LNX2: variants seen among roughly 807,000 people sequenced by gnomAD.
LNX2 encodes ligand of numb-protein X 2.
A neutral mutation model predicts 66.2 loss-of-function variants in LNX2; 35 were observed. The observed-to-expected ratio is 0.53, with a 90% CI of 0.40 to 0.70. LNX2 has a LOEUF of 0.70. Among genes scored for constraint, LNX2 ranks in the 30% least tolerant of loss-of-function variants. The probability of loss-of-function intolerance (pLI) is 0.00; values close to 1 mark genes in which losing one functional copy is unlikely to be tolerated. For missense variants in LNX2, 791 were observed against 850.8 expected, an observed-to-expected ratio of 0.93 and a Z score of 0.87; for synonymous variants, 337 against 315.6, an observed-to-expected ratio of 1.07 and a Z score of -0.72.
intron 1 of LNX2, among the ~76,000 whole-genome samples, chr13:27,595,838 T>C (rs1004734173): frequency 6.6e-6 from 1 of 152,200 alleles, no homozygotes; most frequent in Non-Finnish European, 1.5e-5. Context: ...ATGGTATTTG[T>C]CACTTGTTAC....
intron 2 of LNX2, among the ~76,000 whole-genome samples, chr13:27,570,452 T>G (rs1566120327): frequency 6.6e-6 from 1 of 152,216 alleles, no homozygotes; most frequent in Non-Finnish European, 1.5e-5. Flanking sequence ...GGATTTCAAG[T>G]TCTTGAAAGG....
intron 4 of LNX2, among the ~76,000 whole-genome samples, chr13:27,563,619 T>C (rs1200883807): frequency 6.6e-6 from 1 of 152,172 alleles, no homozygotes; most frequent in African/African-American, 2.4e-5. Flanking sequence ...TCTTAGCATT[T>C]ATCACAATTA....
intron 1 of LNX2, among the ~76,000 whole-genome samples, chr13:27,610,783 A>G (rs1350160529): frequency 6.6e-6 from 1 of 152,222 alleles, no homozygotes; most frequent in Non-Finnish European, 1.5e-5. Flanking sequence ...AACAATAAGA[A>G]CAAAAAAAAC....
At chr13:27,580,769 G>A (rs866109062) in intron 2 of LNX2, among the ~76,000 whole-genome samples, 12 of 152,014 alleles carry the variant, frequency 7.9e-5, no homozygotes, top group East Asian at 3.8e-4. Context: ...CAAAATTATC[G>A]TTTTTATTGG....
intron 1 of LNX2, among the ~76,000 whole-genome samples, chr13:27,619,504 G>A (rs564601715): frequency 2.6e-5 from 4 of 152,366 alleles, no homozygotes; most frequent in African/African-American, 9.6e-5. Flanking sequence ...CTTAAAGGCA[G>A]TTCCAATAAG....
intron 6 of LNX2, among the ~76,000 whole-genome samples, chr13:27,558,435 A>C (rs972427930): frequency 2.0e-5 from 3 of 152,090 alleles, no homozygotes; most frequent in African/African-American, 7.2e-5. Flanking sequence ...TGCCCACAAC[A>C]AATTGAATTA....
At chr13:27,565,939 C>T (rs1044260128) in intron 4 of LNX2, among the ~76,000 whole-genome samples, 2 of 152,140 alleles carry the variant, frequency 1.3e-5, no homozygotes, top group Non-Finnish European at 2.9e-5. Flanking sequence ...AAAATCCTAA[C>T]CAAGTTTTTC....
chr13:27,554,191 C>T (rs1425791001), intron 7 of LNX2, among the ~76,000 whole-genome samples: 1 of 152,028 alleles, frequency 6.6e-6, no homozygotes, highest in Non-Finnish European at 1.5e-5. Flanking sequence ...TTAGAAAACA[C>T]AATAAAAGAA....
intron 1 of LNX2, among the ~76,000 whole-genome samples, chr13:27,587,087 CCCTAA>C (rs1955495259): frequency 6.6e-6 from 1 of 152,100 alleles, no homozygotes; most frequent in African/African-American, 2.4e-5. Context: ...TCTTCACTGG[CCCTAA>C]CCTAAGAGAT....
intron 2 of LNX2, among the ~76,000 whole-genome samples, chr13:27,572,113 G>T (rs996631165): frequency 6.6e-6 from 1 of 152,062 alleles, no homozygotes; most frequent in Non-Finnish European, 1.5e-5. Flanking sequence ...TAGGCCTTGG[G>T]AAAATATAAA....
chr13:27,597,489 G>A (rs1955611666), intron 1 of LNX2, among the ~76,000 whole-genome samples: 1 of 152,106 alleles, frequency 6.6e-6, no homozygotes, highest in Admixed American at 6.6e-5. Flanking sequence ...ACTCTATGTG[G>A]GTATATGCAT....
chr13:27,588,066 T>C (rs1955511054), intron 1 of LNX2, among the ~76,000 whole-genome samples: 1 of 147,500 alleles, frequency 6.8e-6, no homozygotes, highest in African/African-American at 2.5e-5. Context: ...GCTGTCAAAC[T>C]TGTTTGACTT....
intron 1 of LNX2, among the ~76,000 whole-genome samples, chr13:27,590,726 C>A (rs181319328): frequency 6.6e-6 from 1 of 152,136 alleles, no homozygotes; most frequent in East Asian, 1.9e-4. Context: ...GCAAAAGAAT[C>A]GGGTGGATAC....
At chr13:27,575,149 A>T (rs893318957) in intron 2 of LNX2, among the ~76,000 whole-genome samples, 4 of 152,212 alleles carry the variant, frequency 2.6e-5, no homozygotes, top group Non-Finnish European at 5.9e-5. Flanking sequence ...TACAGTACTG[A>T]ATTATTTGGT....
At chr13:27,616,640 C>G (rs538140625) in intron 1 of LNX2, among the ~76,000 whole-genome samples, 54 of 152,326 alleles carry the variant, frequency 3.5e-4, no homozygotes, top group African/African-American at 1.3e-3. Flanking sequence ...GATAGGATCC[C>G]AGCTCTAGGA....
chr13:27,580,105 C>T (rs1034247124), intron 2 of LNX2, among the ~76,000 whole-genome samples: 1 of 151,944 alleles, frequency 6.6e-6, no homozygotes, highest in African/African-American at 2.4e-5. Context: ...TAAATATCAA[C>T]AATATATTGA....
intron 1 of LNX2, among the ~76,000 whole-genome samples, chr13:27,583,504 C>G (rs1433475952): frequency 7.8e-6 from 1 of 128,806 alleles, no homozygotes; most frequent in African/African-American, 3.3e-5. Flanking sequence ...GTGATCCACC[C>G]ACCTTGGCCT....
intron 1 of LNX2, among the ~76,000 whole-genome samples, chr13:27,606,105 T>G (rs980188794): frequency 6.6e-6 from 1 of 152,116 alleles, no homozygotes; most frequent in African/African-American, 2.4e-5. Flanking sequence ...CACTGTAAAA[T>G]GCACAAAGAC....
chr13:27,581,892 T>A, intron 1 of LNX2, 89 bp from the exon 2 acceptor site: 3 of 303,166 alleles, frequency 9.9e-6, no homozygotes, highest in Non-Finnish European at 1.6e-5. Context: ...CTGGTTAGCT[T>A]TTTTTAGTAA....
Sources: gnomAD v4.1 joint callset for allele counts (sites outside exome capture counted in the v4.1 genomes callset) on GRCh38, gnomAD v4.1.1 for gene constraint, MANE v1.5 for transcripts, NCBI Gene and HGNC (gene_info 2026-07-23, HGNC 2026-07-21) for gene names.